Variants in SHLD2 observed in about 807,000 individuals in gnomAD.
SHLD2 encodes RINN1-REV7-interacting novel NHEJ regulator 2.
A neutral mutation model predicts 73.2 loss-of-function variants in SHLD2; 30 were observed. The observed-to-expected ratio is 0.41, with a 90% CI of 0.31 to 0.56. The LOEUF (loss-of-function observed/expected upper bound fraction) is 0.56. Among genes scored for constraint, SHLD2 ranks in the 20% least tolerant of loss-of-function variants. SHLD2 has a pLI of 0.28. For missense variants in SHLD2, 745 were observed against 1,055.9 expected (o/e 0.71, Z 4.08); for synonymous variants, 285 against 370.1 (o/e 0.77, Z 2.64).
chr10:87,143,747 A>G (rs1845372657), intron 2 of SHLD2, among the ~76,000 whole-genome samples: 1 of 151,400 alleles, frequency 6.6e-6, no homozygotes, highest in Admixed American at 6.7e-5. Context: ...TCTATCTCCA[A>G]CCCTTTGAGA....
chr10:87,110,922 C>T (rs1842878471), intron 2 of SHLD2, among the ~76,000 whole-genome samples: 1 of 151,284 alleles, frequency 6.6e-6, no homozygotes, highest in South Asian at 2.1e-4. Flanking sequence ...TGGTTCACTG[C>T]AACCTCTGCC....
rs541108530 is a variant in SHLD2, at chr10:87,138,950, G to C, written c.-5-12400G>C. 5.9e-5 allele frequency among the ~76,000 whole-genome samples: 9 copies of C among 152,280 alleles called. No individual in the cohort carries two copies. The South Asian group carries it at 1.9e-3, about 32-fold the overall frequency. On this transcript the variant is annotated intron_variant, in intron 2 of 9. Coordinates refer to ENST00000298786, the MANE Select transcript of SHLD2 (RefSeq NM_001330112.2). ...TCCAAATAGAGCCCAGGAGAGTTTG[G>C]AGAAGTCAAGGCAACTAGAATTTGT... is the stretch of plus-strand genomic sequence containing the variant.
intron 2 of SHLD2, among the ~76,000 whole-genome samples, chr10:87,121,418 C>T (rs963723157): frequency 6.6e-6 from 1 of 152,228 alleles, no homozygotes; most frequent in South Asian, 2.1e-4. Flanking sequence ...CCACCAAGCC[C>T]GGCCTGAATC....
At chr10:87,184,841 A>G (rs569236657) in intron 8 of SHLD2, among the ~76,000 whole-genome samples, 1 of 151,868 alleles carries the variant, frequency 6.6e-6, no homozygotes, top group African/African-American at 2.4e-5. Context: ...ACTCTTCTTT[A>G]TTTTCTGTTA....
At chr10:87,122,899 T>A (rs1303886773) in intron 2 of SHLD2, among the ~76,000 whole-genome samples, 1 of 152,170 alleles carries the variant, frequency 6.6e-6, no homozygotes. Context: ...TGCCTCAGCC[T>A]CCCGAGTAGC....
chr10:87,120,339 C>T (rs1350720353), intron 2 of SHLD2, among the ~76,000 whole-genome samples: 1 of 151,976 alleles, frequency 6.6e-6, no homozygotes, highest in African/African-American at 2.4e-5. Context: ...GCTCCGCCTC[C>T]CAGGTTCATG....
chr10:87,147,086 AAAC>A (rs1564596536), intron 2 of SHLD2, among the ~76,000 whole-genome samples: 1 of 150,834 alleles, frequency 6.6e-6, no homozygotes, highest in South Asian at 2.1e-4. Flanking sequence ...AAAAAAAAAA[AAAC>A]AAAAAAACCT....
At chr10:87,121,178 G>A (rs577178636) in intron 2 of SHLD2, among the ~76,000 whole-genome samples, 2 of 152,162 alleles carry the variant, frequency 1.3e-5, no homozygotes, top group African/African-American at 4.8e-5. Context: ...AGGCTGGGGT[G>A]CAGTGATGTG....
rs1360803404 is a variant in SHLD2, at chr10:87,151,519, G to A, written c.165G>A (p.Gln55=). ...CTTTATATCTGAAGGATGAAAAACAGCACAAAAATCTTGAAAACTATAAAG... is the reference window on the plus strand; with the variant it reads ...CTTTATATCTGAAGGATGAAAAACAACACAAAAATCTTGAAAACTATAAAG... ...QHSLYLKDEK[Q]HKNLENYKVP... is the part of the protein sequence containing the mutation. Residue 55 remains glutamine (Q), a synonymous_variant, in exon 3 of 10, where the codon CAG becomes CAA. Transcript: ENST00000298786. The A allele has an allele frequency of 6.2e-7, 1 of 1,610,606 alleles. No homozygotes were observed. Among genetic ancestry groups the A allele is most frequent in the South Asian group, 1.1e-5 (1 of 90,748 alleles).
At chr10:87,136,210 A>G (rs1379844754) in intron 2 of SHLD2, among the ~76,000 whole-genome samples, 1 of 151,848 alleles carries the variant, frequency 6.6e-6, no homozygotes, top group Non-Finnish European at 1.5e-5. Context: ...GGCCACTGGG[A>G]GCTCTTTCAG....
intron 9 of SHLD2, among the ~76,000 whole-genome samples, chr10:87,189,689 T>C (rs1424779943): frequency 6.6e-6 from 1 of 152,250 alleles, no homozygotes; most frequent in Non-Finnish European, 1.5e-5. Flanking sequence ...ATTCTGGTAT[T>C]GAACAACCTG....
chr10:87,120,937 C>T (rs1435561374), intron 2 of SHLD2, among the ~76,000 whole-genome samples: 1 of 151,914 alleles, frequency 6.6e-6, no homozygotes, highest in African/African-American at 2.4e-5. Context: ...GTAATCCCAG[C>T]TACTTGGGAG....
intron 8 of SHLD2, among the ~76,000 whole-genome samples, chr10:87,186,523 C>T (rs951725101): frequency 1.3e-5 from 2 of 152,130 alleles, no homozygotes; most frequent in African/African-American, 4.8e-5. Flanking sequence ...CATGTGTATC[C>T]CTTTCTTTAG....
chr10:87,143,106 T>A (rs72809943), intron 2 of SHLD2, among the ~76,000 whole-genome samples: 26,390 of 151,148 alleles, frequency 0.17, 2,409 homozygotes, highest in Middle Eastern at 0.32. Context: ...TTTTTTTTTT[T>A]AATTTTTTGT....
At chr10:87,115,734 A>G (rs1843213954) in intron 2 of SHLD2, among the ~76,000 whole-genome samples, 1 of 152,212 alleles carries the variant, frequency 6.6e-6, no homozygotes, top group African/African-American at 2.4e-5. Flanking sequence ...AAGAATTCTA[A>G]GCTAGTGATA....
chr10:87,119,631 G>A (rs1466364517), intron 2 of SHLD2, among the ~76,000 whole-genome samples: 1 of 152,088 alleles, frequency 6.6e-6, no homozygotes, highest in East Asian at 1.9e-4. Context: ...ATGGTGGCGC[G>A]CACCTGTAGT....
At chr10:87,144,558 T>A (rs1845437497) in intron 2 of SHLD2, among the ~76,000 whole-genome samples, 1 of 150,592 alleles carries the variant, frequency 6.6e-6, no homozygotes, top group Non-Finnish European at 1.5e-5. Flanking sequence ...ATAAGTCGCA[T>A]AAAATGTGGA....
chr10:87,154,624 G>A (rs1461656101), intron 3 of SHLD2, among the ~76,000 whole-genome samples: 2 of 151,636 alleles, frequency 1.3e-5, no homozygotes, highest in African/African-American at 4.8e-5. Flanking sequence ...CAGGTGATCC[G>A]CCCACCTTGT....
At chr10:87,121,513 G>A (rs1054378242) in intron 2 of SHLD2, among the ~76,000 whole-genome samples, 2 of 152,024 alleles carry the variant, frequency 1.3e-5, no homozygotes, top group African/African-American at 2.4e-5. Flanking sequence ...GTGAGTAATA[G>A]TATGTGTAAA....
Sources: gnomAD v4.1 joint callset for allele counts (sites outside exome capture counted in the v4.1 genomes callset) on GRCh38, gnomAD v4.1.1 for gene constraint, MANE v1.5 for transcripts, NCBI Gene and HGNC (gene_info 2026-07-23, HGNC 2026-07-21) for gene names.